Variants in DEPDC4 observed in about 807,000 individuals in gnomAD.
DEPDC4 encodes DEP domain-containing protein 4.
Under a neutral mutation model 52.0 loss-of-function variants are expected in DEPDC4, and 52 were observed. That is an observed-to-expected ratio of 1.00 (90% CI 0.80 to 1.26). The LOEUF is 1.26. Among genes scored for constraint, DEPDC4 ranks in the 50% most tolerant of loss-of-function variants. The probability of loss-of-function intolerance (pLI) is 0.00; values close to 1 mark genes in which losing one functional copy is unlikely to be tolerated. For synonymous variants in DEPDC4, 201 were observed against 196.8 expected (o/e 1.02, Z -0.18); for missense variants, 530 against 546.9 (o/e 0.97, Z 0.31).
the DEPDC4 span, among the ~76,000 whole-genome samples, chr12:100,276,301 T>C: frequency 6.6e-6 from 1 of 152,150 alleles, no homozygotes; most frequent in African/African-American, 2.4e-5. Flanking sequence ...TTATTGGTCA[T>C]TTGTGTCTTT....
Position 100,267,021 on chromosome 12 carries a change from C to T in DEPDC4, c.56G>A (p.Arg19Lys). Residue 19 changes from arginine (R) to lysine (K), a missense_variant, in exon 1 of 10, where the codon AGG (arginine) becomes AAG (lysine). Coordinates refer to ENST00000550587, the MANE Select transcript of DEPDC4 (RefSeq NM_001364818.2). Reference protein sequence around the residue: ...RELMAVLLTPRFRRLVSQNEL... With the variant: ...RELMAVLLTPKFRRLVSQNEL... Reference sequence around the variant, plus strand: ...GTTCTGACTGACAAGTCTACGGAACCTCGGAGTCAAAAGAACCGCCATAAG... The same window carrying T: ...GTTCTGACTGACAAGTCTACGGAACTTCGGAGTCAAAAGAACCGCCATAAG... 3 of 1,614,024 alleles carry T rather than the reference C, an allele frequency of 1.9e-6. No individual in the cohort carries two copies. Among genetic ancestry groups the T allele is most frequent in the Non-Finnish European group, 2.5e-6 (3 of 1,179,946 alleles).
intron 4 of DEPDC4, among the ~76,000 whole-genome samples, chr12:100,255,377 G>A (rs1432483071): frequency 6.6e-6 from 1 of 152,174 alleles, no homozygotes; most frequent in Non-Finnish European, 1.5e-5. Flanking sequence ...GGGTCCAGAG[G>A]TCTCTGATCA....
chr12:100,260,753 A>G (rs999675295), intron 3 of DEPDC4, among the ~76,000 whole-genome samples: 4 of 152,180 alleles, frequency 2.6e-5, no homozygotes, highest in African/African-American at 9.6e-5. Flanking sequence ...AAAATTAGCC[A>G]GGCATGGTGG....
At chr12:100,260,208 C>T (rs894111396) in intron 3 of DEPDC4, among the ~76,000 whole-genome samples, 2 of 151,920 alleles carry the variant, frequency 1.3e-5, no homozygotes, top group African/African-American at 4.8e-5. Flanking sequence ...GCAACCTTTG[C>T]CTCCCGGGTT....
the DEPDC4 span, among the ~76,000 whole-genome samples, chr12:100,276,418 G>T: frequency 0.032 from 4,942 of 152,122 alleles, 101 homozygotes; most frequent in African/African-American, 0.059. Flanking sequence ...CTGCAGCCTT[G>T]ATCTCCCAGG....
Position 100,256,060 on chromosome 12 carries a change from T to A in DEPDC4, c.867A>T (p.Leu289Phe). 6.2e-7 allele frequency: 1 copy of A among 1,600,858 alleles called. No individual in the cohort carries two copies. Among genetic ancestry groups the A allele is most frequent in the Non-Finnish European group, 8.5e-7 (1 of 1,173,176 alleles). The change falls in exon 4 of 10, where the codon TTA (leucine) becomes TTT (phenylalanine). Residue 289 changes from leucine (L) to phenylalanine (F), a missense_variant. Coordinates refer to ENST00000550587, the MANE Select transcript of DEPDC4 (RefSeq NM_001364818.2). ...TCLDRELIPSLCLPEIDNWLN... is the reference protein window; with the variant it reads ...TCLDRELIPSFCLPEIDNWLN... ...AAATGGTCACTTACTCAGGTAGACA[T>A]AAGCTTGGAATAAGTTCTCTGTCTA...
chr12:100,247,831 G>C (rs1810710393), intron 8 of DEPDC4, among the ~76,000 whole-genome samples: 2 of 152,100 alleles, frequency 1.3e-5, no homozygotes, highest in South Asian at 4.1e-4. Context: ...AGCAATTCAA[G>C]CAAGTACACT....
Position 100,231,719 on chromosome 12 carries a change from C to T in DEPDC4, c.*699+6249G>A, listed in dbSNP as rs147553648. Among the ~76,000 whole-genome samples, 266 of 152,224 alleles carry T rather than the reference C, an allele frequency of 1.7e-3. 1 individual carries two copies. The highest frequency in any genetic ancestry group is 6.1e-3 in the African/African-American group (253 of 41,542). The stretch of plus-strand genomic sequence containing the variant: ...TAGCATCCTTGAGCCATCTTTAAAG[C>T]ACCTAGTTTTACTCTGAACTTGCAC... On this transcript the variant is annotated intron_variant and NMD_transcript_variant, in intron 9 of 10. Coordinates refer to the DEPDC4 transcript ENST00000378244.
intron 1 of DEPDC4, among the ~76,000 whole-genome samples, chr12:100,265,762 A>T (rs1438721956): frequency 6.6e-6 from 1 of 152,270 alleles, no homozygotes; most frequent in Admixed American, 6.5e-5. Context: ...GCTGAGCAGA[A>T]CAACTTGTAT....
intron 3 of DEPDC4, among the ~76,000 whole-genome samples, chr12:100,259,081 A>AAATATATATAT (rs543577636): frequency 3.4e-5 from 5 of 149,092 alleles, no homozygotes; most frequent in African/African-American, 1.3e-4. Context: ...AAAAAAAAAA[A>AAATATATATAT]ATATATATAT....
chr12:100,255,843 C>T (rs180711223), intron 4 of DEPDC4: 13 of 356,928 alleles, frequency 3.6e-5, no homozygotes, highest in African/African-American at 1.9e-4. Context: ...TGAATTCGTA[C>T]GAACCAAACC....
At chr12:100,234,483 T>C (rs556662846) in intron 9 of DEPDC4, among the ~76,000 whole-genome samples, 9 of 152,282 alleles carry the variant, frequency 5.9e-5, no homozygotes, top group African/African-American at 1.4e-4. Context: ...TGATTGGATA[T>C]TGAGTATGAT....
the DEPDC4 span, among the ~76,000 whole-genome samples, chr12:100,274,491 C>G: frequency 6.6e-6 from 1 of 152,136 alleles, no homozygotes; most frequent in African/African-American, 2.4e-5. Context: ...GGCGTGGGTT[C>G]TTGTTGTTAT....
intron 8 of DEPDC4, among the ~76,000 whole-genome samples, chr12:100,246,893 C>T (rs1188396043): frequency 6.6e-6 from 1 of 151,686 alleles, no homozygotes; most frequent in African/African-American, 2.4e-5. Context: ...AGCCGAGATG[C>T]GCCATTGCAC....
the DEPDC4 span, among the ~76,000 whole-genome samples, chr12:100,275,354 A>G: frequency 3.3e-5 from 5 of 152,104 alleles, no homozygotes; most frequent in Non-Finnish European, 5.9e-5. Context: ...GACATGTGCT[A>G]CTGCTCCTGG....
chr12:100,241,680 G>T lies in DEPDC4; in HGVS notation c.*212C>A. The stretch of plus-strand genomic sequence containing the variant: ...CTTGTATCAGAAATGTTAATTCAAA[G>T]CTTCTGGATGGTGTTTTTGAAATTC... On this transcript the variant is annotated 3_prime_UTR_variant, in exon 10 of 10. Coordinates refer to ENST00000550587, the MANE Select transcript of DEPDC4 (RefSeq NM_001364818.2). 1 of 1,228,080 alleles carries T rather than the reference G, an allele frequency of 8.1e-7. No homozygotes were observed. 76.1% of individuals were successfully genotyped at this position (1,228,080 alleles called of 1,614,324 possible).
At position 100,267,024 on chromosome 12, in the gene DEPDC4, G is replaced by C. The variant is rs776614474; in HGVS notation, c.53C>G (p.Pro18Arg). The change falls in exon 1 of 10, where the codon CCG becomes CGG. Residue 18 changes from proline (P) to arginine (R), a missense_variant. Transcript: ENST00000550587. ...ARELMAVLLT[P>R]RFRRLVSQNE... ...CTGACTGACAAGTCTACGGAACCTC[G>C]GAGTCAAAAGAACCGCCATAAGCTC... 3.1e-6 allele frequency: 5 copies of C among 1,614,026 alleles called. No homozygotes were observed. Among genetic ancestry groups the C allele is most frequent in the Non-Finnish European group, 4.2e-6 (5 of 1,179,968 alleles).
In DEPDC4 at chr12:100,247,421, G is replaced by C. The variant is rs112412364; in HGVS notation, c.1453+1479C>G. Reference sequence around the variant, plus strand: ...GAGTTTTACCACATTGGCCAGGCTGGTCTCGAAGTCATAACCTCAGGTGAT... The same window carrying C: ...GAGTTTTACCACATTGGCCAGGCTGCTCTCGAAGTCATAACCTCAGGTGAT... On this transcript the variant is annotated intron_variant, in intron 8 of 9. Transcript: ENST00000550587. Among the ~76,000 whole-genome samples, 628 of 152,058 alleles carry C rather than the reference G, an allele frequency of 4.1e-3. 5 individuals carry two copies. The highest frequency in any genetic ancestry group is 0.026 in the South Asian group (126 of 4,818).
Position 100,263,790 on chromosome 12 carries a change from G to A in DEPDC4, c.261C>T (p.Tyr87=). The change falls in exon 2 of 10, where the codon TAC becomes TAT. Residue 87 remains tyrosine (Y), a synonymous_variant. Coordinates refer to ENST00000550587, the MANE Select transcript of DEPDC4 (RefSeq NM_001364818.2). The part of the protein sequence containing the change: ...IKRRRHHLQT[Y]KDCFTGSDAV... ...CATCAGAACCAGTGAAACAGTCTTT[G>A]TATGTCTGTAAATGATGCCTCCTTC... 1 of 1,614,128 alleles carries A rather than the reference G, an allele frequency of 6.2e-7. No homozygotes were observed. The highest frequency in any genetic ancestry group is 1.1e-5 in the South Asian group (1 of 91,082).
Sources: allele counts gnomAD v4.1 joint callset (sites outside exome capture counted in the v4.1 genomes callset), GRCh38; gene constraint gnomAD v4.1.1; transcripts MANE v1.5; gene names NCBI Gene and HGNC (gene_info 2026-07-23, HGNC 2026-07-21).